Variants in DST observed in about 807,000 individuals in gnomAD.
DST encodes dystonin.
In DST, 253 loss-of-function variants were observed where a neutral mutation model predicts 875.2. The ratio of observed to expected loss-of-function variants is 0.29; its 90% CI spans 0.26 to 0.32. The LOEUF is 0.32. DST is among the 10% of genes least tolerant of loss of function. The probability of loss-of-function intolerance (pLI) is 1.00; values close to 1 mark genes in which losing one functional copy is unlikely to be tolerated. For synonymous variants in DST, 3,124 were observed against 3,197.1 expected, an observed-to-expected ratio of 0.98 and a Z score of 0.77; for missense variants, 8,287 against 9,111.6, an observed-to-expected ratio of 0.91 and a Z score of 3.68.
At chr6:56,873,087 A>G (rs1325345554) in intron 3 of DST, among the ~76,000 whole-genome samples, 1 of 152,134 alleles carries the variant, frequency 6.6e-6, no homozygotes, top group Non-Finnish European at 1.5e-5. Flanking sequence ...CATTTCCTTG[A>G]CAATTAGTGA....
intron 4 of DST, among the ~76,000 whole-genome samples, chr6:56,782,514 G>A (rs1036876674): frequency 2.6e-5 from 4 of 152,212 alleles, no homozygotes; most frequent in African/African-American, 9.6e-5. Flanking sequence ...TTTGCATAGA[G>A]GTGTTTGTAG....
intron 3 of DST, among the ~76,000 whole-genome samples, chr6:56,886,076 C>A (rs1784557596): frequency 6.6e-6 from 1 of 152,040 alleles, no homozygotes; most frequent in Non-Finnish European, 1.5e-5. Context: ...CTAGGGTGGC[C>A]AACACAGATA....
chr6:56,485,526 T>A, intron 87 of DST, 55 bp from the exon 88 acceptor site: 2 of 1,529,450 alleles, frequency 1.3e-6, no homozygotes, highest in East Asian at 2.3e-5. Context: ...CACTCATATA[T>A]CTGAACATCT....
At chr6:56,463,009 G>T in intron 102 of DST, 37 bp downstream of exon 102, 1 of 1,210,120 alleles carries the variant, frequency 8.3e-7, no homozygotes, top group Non-Finnish European at 1.2e-6. Context: ...TCAGTTAAAG[G>T]AGAATGTTAA....
At chr6:56,785,822 G>T in intron 4 of DST, 1 of 159,446 alleles carries the variant, frequency 6.3e-6, no homozygotes, top group Non-Finnish European at 1.4e-5. Flanking sequence ...CACGCTGGGA[G>T]ATGCAGACCG....
At chr6:56,877,792 T>A (rs1780200683) in intron 3 of DST, among the ~76,000 whole-genome samples, 1 of 152,200 alleles carries the variant, frequency 6.6e-6, no homozygotes, top group Non-Finnish European at 1.5e-5. Context: ...AATATGCCCA[T>A]GGACAAATAC....
chr6:56,937,074 G>A (rs1017879589), intron 2 of DST, among the ~76,000 whole-genome samples: 2 of 151,266 alleles, frequency 1.3e-5, no homozygotes, highest in Admixed American at 1.3e-4. Context: ...AAATTGCCTT[G>A]AAAAAAAAGC....
rs1376922278 is a variant in DST, at chr6:56,729,895, T to A, written c.687+5333A>T. On this transcript the variant is annotated intron_variant, in intron 5 of 103. Transcript: ENST00000680361. Reference sequence around the variant, plus strand: ...TAAATTAAGCTTTCCAAAGTCGTGATGGAACAGTGATAAAATCTGTGATAG... The same window carrying A: ...TAAATTAAGCTTTCCAAAGTCGTGAAGGAACAGTGATAAAATCTGTGATAG... 7.2e-5 allele frequency among the ~76,000 whole-genome samples: 11 copies of A among 152,306 alleles called. No individual in the cohort carries two copies. In the East Asian group the frequency reaches 2.1e-3, roughly 29 times the overall value.
intron 2 of DST, among the ~76,000 whole-genome samples, chr6:56,904,622 G>A (rs17752346): frequency 2.0e-5 from 3 of 151,978 alleles, no homozygotes; most frequent in Admixed American, 6.6e-5. Context: ...TATAAACAAC[G>A]ATGACCGTTC....
At chr6:56,751,842 G>C (rs1286571791) in intron 4 of DST, among the ~76,000 whole-genome samples, 1 of 152,166 alleles carries the variant, frequency 6.6e-6, no homozygotes, top group Admixed American at 6.5e-5. Flanking sequence ...CAAAATAAAA[G>C]AGAAGAGAGG....
Position 56,597,831 on chromosome 6 carries a change from T to A in DST, c.12104A>T (p.Asp4035Val), listed in dbSNP as rs2098406131. ...CTCCAACAGGTTACCATTAACTTCA[T>A]CCTCTTCTCCAATTGCTGACTTGCC... ...GDGKSAIGEE[D>V]EVNGNLLETD... Residue 4035 changes from aspartate to valine, a missense_variant, in exon 47 of 104, where the codon GAT (aspartate) becomes GTT (valine). Coordinates refer to ENST00000680361, the MANE Select transcript of DST (RefSeq NM_001374736.1). The A allele has an allele frequency of 4.3e-6, 7 of 1,613,980 alleles. No individual in the cohort carries two copies. In the Admixed American group the frequency reaches 1.0e-4, roughly 23 times the overall value.
intron 2 of DST, among the ~76,000 whole-genome samples, chr6:56,911,290 G>T (rs1178863863): frequency 6.6e-6 from 1 of 152,190 alleles, no homozygotes; most frequent in East Asian, 1.9e-4. Context: ...TTAAAATGCA[G>T]ATTCTAATGC....
At chr6:56,577,341 A>C (rs2097887147) in intron 50 of DST, among the ~76,000 whole-genome samples, 1 of 152,188 alleles carries the variant, frequency 6.6e-6, no homozygotes, top group Non-Finnish European at 1.5e-5. Context: ...ATGGTATCTA[A>C]TGTGGATATA....
At position 56,609,014 on chromosome 6, in the gene DST, C is replaced by T. The variant is rs781729883; in HGVS notation, c.5614G>A (p.Val1872Ile). 1.2e-5 allele frequency: 20 copies of T among 1,613,882 alleles called. No homozygotes were observed. Among genetic ancestry groups the T allele is most frequent in the Non-Finnish European group, 1.4e-5 (17 of 1,179,808 alleles). ...CCTGTAGAAAGCAGTATCTCAAGAA[C>T]TTTGATGGCCATGGATTCTGTTATC... The part of the protein sequence containing the change: ...SMITESMAIK[V>I]LEILLSTGSL... The change falls in exon 40 of 104, where the codon GTT becomes ATT. Residue 1872 changes from valine (V) to isoleucine (I), a missense_variant. This residue lies in a region of DST where 3,138 missense variants were observed against 3,116.6 expected (regional missense o/e 1.01). Coordinates refer to ENST00000680361, the MANE Select transcript of DST (RefSeq NM_001374736.1).
At chr6:56,920,291 A>C (rs1451969250) in intron 2 of DST, among the ~76,000 whole-genome samples, 1 of 152,176 alleles carries the variant, frequency 6.6e-6, no homozygotes, top group African/African-American at 2.4e-5. Flanking sequence ...CTTCCCAGGC[A>C]TGAGAAGAAA....
In DST at chr6:56,515,459, T is replaced by C; in HGVS notation, c.18567A>G (p.Glu6189=). The C allele has an allele frequency of 1.2e-6, 2 of 1,613,910 alleles. No individual in the cohort carries two copies. Among genetic ancestry groups the C allele is most frequent in the Middle Eastern group, 1.7e-4 (1 of 6,058 alleles). ...LEYETLRQQQ[E]EHRQLRELIA... is the part of the protein sequence containing the mutation. ...TTCACACCAGGCTTACCCGATGTTC[T>C]TCCTGCTGCTGCCTTAGAGTTTCAT... Residue 6189 remains glutamate (E), a synonymous_variant, in exon 72 of 104, where the codon GAA becomes GAG. Transcript: ENST00000680361.
chr6:56,953,771 G>T lies in DST; in HGVS notation c.216+14C>A, dbSNP rs1204867753. On this transcript the variant is annotated intron_variant, in intron 2 of 103. Coordinates refer to ENST00000680361, the MANE Select transcript of DST (RefSeq NM_001374736.1). ...ACTTCTTCTGACCTTGAGCGTGCGC[G>T]CTAAATAAATTACCTCAGAACGAAA... 4 of 1,312,842 alleles carry T rather than the reference G, an allele frequency of 3.0e-6. No individual in the cohort carries two copies. The highest frequency in any genetic ancestry group is 1.5e-5 in the African/African-American group (1 of 66,262). 81.3% of individuals were successfully genotyped at this position (1,312,842 alleles called of 1,614,324 possible).
At position 56,606,760 on chromosome 6, in the gene DST, T is replaced by A. The variant is rs1298932548; in HGVS notation, c.7868A>T (p.His2623Leu). The A allele has an allele frequency of 1.2e-6, 2 of 1,613,300 alleles. No homozygotes were observed. Among genetic ancestry groups the A allele is most frequent in the Non-Finnish European group, 1.7e-6 (2 of 1,179,602 alleles). ...ATCACCATCAAGAAGCAAAGAATCA[T>A]GGTCATCATCTTCAAACAAGGGAGT... ...YDTPLFEDDD[H>L]DSLLLDGDDR... Residue 2623 changes from histidine (H) to leucine (L), a missense_variant, in exon 40 of 104, where the codon CAT (histidine) becomes CTT (leucine). By Grantham distance (99) the His-to-Leu change is moderately conservative. This residue lies in a region of DST where 3,138 missense variants were observed against 3,116.6 expected (regional missense o/e 1.01). Transcript: ENST00000680361.
At chr6:56,632,146 A>G (rs2098786656) in intron 28 of DST, 106 bp from the exon 29 acceptor site, 2 of 758,282 alleles carry the variant, frequency 2.6e-6, no homozygotes, top group East Asian at 5.4e-5. Context: ...CAGCTAGTCA[A>G]GCAAATGATT....
Sources: gnomAD v4.1 joint callset for allele counts (sites outside exome capture counted in the v4.1 genomes callset) on GRCh38, gnomAD v4.1.1 for gene constraint, gnomAD v4.1.1 regional missense constraint, MANE v1.5 for transcripts, NCBI Gene and HGNC (gene_info 2026-07-23, HGNC 2026-07-21) for gene names.